ARK2N: variants seen among roughly 807,000 people sequenced by gnomAD.
The protein encoded by ARK2N is protein ARK2N.
the ARK2N span, among the ~76,000 whole-genome samples, chr18:46,242,887 C>T: frequency 6.6e-6 from 1 of 152,028 alleles, no homozygotes; most frequent in Non-Finnish European, 1.5e-5. Context: ...AGTGATACTG[C>T]TCTTAACATT....
chr18:46,209,290 C>CCT, the ARK2N span, among the ~76,000 whole-genome samples: 1 of 138,646 alleles, frequency 7.2e-6, no homozygotes, highest in African/African-American at 2.7e-5. Context: ...TACTTCTCCA[C>CCT]TTTTTTTTTT....
the ARK2N span, among the ~76,000 whole-genome samples, chr18:46,245,681 G>A: frequency 3.3e-5 from 5 of 151,704 alleles, no homozygotes; most frequent in Admixed American, 1.3e-4. Context: ...CCTAGCATGC[G>A]ACTGTCATAC....
the ARK2N span, among the ~76,000 whole-genome samples, chr18:46,211,933 AT>A: frequency 6.6e-6 from 1 of 152,038 alleles, no homozygotes; most frequent in Admixed American, 6.6e-5. Context: ...AGAAAAACCT[AT>A]TTTTTTCCCC....
At chr18:46,262,765 G>C in the ARK2N span, among the ~76,000 whole-genome samples, 1 of 152,156 alleles carries the variant, frequency 6.6e-6, no homozygotes, top group African/African-American at 2.4e-5. Context: ...GGTAGGGAGA[G>C]AGGGAGACAG....
the ARK2N span, among the ~76,000 whole-genome samples, chr18:46,201,582 C>T: frequency 6.6e-6 from 1 of 151,952 alleles, no homozygotes; most frequent in African/African-American, 2.4e-5. Context: ...AATTCTAGAT[C>T]CAAGTAATAA....
At chr18:46,226,968 C>G in the ARK2N span, among the ~76,000 whole-genome samples, 6 of 151,896 alleles carry the variant, frequency 4.0e-5, no homozygotes, top group Non-Finnish European at 8.8e-5. Flanking sequence ...CCACCATGCC[C>G]AGCTAATTTT....
At chr18:46,219,293 T>G in the ARK2N span, 1 of 152,124 alleles carries the variant, frequency 6.6e-6, no homozygotes, top group Non-Finnish European at 1.5e-5. Context: ...AATATATTGA[T>G]GTTTTAAGAA....
chr18:46,244,983 G>A, the ARK2N span, among the ~76,000 whole-genome samples: 3 of 152,084 alleles, frequency 2.0e-5, no homozygotes, highest in South Asian at 2.1e-4. Flanking sequence ...GCTCAGGCTG[G>A]ATGCGGTGGC....
chr18:46,225,331 C>T, the ARK2N span, among the ~76,000 whole-genome samples: 2 of 152,294 alleles, frequency 1.3e-5, no homozygotes, highest in African/African-American at 2.4e-5. Context: ...TTCTAGTTAA[C>T]GTTGCTGGAA....
the ARK2N span, among the ~76,000 whole-genome samples, chr18:46,191,305 A>G: frequency 2.0e-5 from 3 of 152,164 alleles, no homozygotes; most frequent in Non-Finnish European, 4.4e-5. Flanking sequence ...ATTTGTTACA[A>G]CTGACAAGCC....
the ARK2N span, among the ~76,000 whole-genome samples, chr18:46,255,655 T>C: frequency 3.3e-5 from 5 of 151,884 alleles, no homozygotes; most frequent in Non-Finnish European, 7.4e-5. Flanking sequence ...TTCTCCATGT[T>C]GGTCAGGCTG....
chr18:46,214,360 C>T, the ARK2N span, among the ~76,000 whole-genome samples: 907 of 152,248 alleles, frequency 6.0e-3, 10 homozygotes, highest in African/African-American at 0.021. Context: ...TAATGTAACA[C>T]ATACAGGGCA....
At chr18:46,254,860 T>G in the ARK2N span, among the ~76,000 whole-genome samples, 5 of 152,226 alleles carry the variant, frequency 3.3e-5, no homozygotes, top group African/African-American at 1.2e-4. Flanking sequence ...TGAAACATTC[T>G]GGAACATCCT....
chr18:46,247,578 T>C, the ARK2N span, among the ~76,000 whole-genome samples: 1 of 152,248 alleles, frequency 6.6e-6, no homozygotes, highest in Admixed American at 6.5e-5. Context: ...ATTAATTTCA[T>C]TTATTTATTT....
the ARK2N span, among the ~76,000 whole-genome samples, chr18:46,259,650 G>A: frequency 6.6e-6 from 1 of 152,080 alleles, no homozygotes; most frequent in Non-Finnish European, 1.5e-5. Context: ...CAGCCACCCA[G>A]GCTGGAGTGC....
At chr18:46,260,525 G>A in the ARK2N span, among the ~76,000 whole-genome samples, 1 of 152,088 alleles carries the variant, frequency 6.6e-6, no homozygotes, top group Non-Finnish European at 1.5e-5. Context: ...CTGGTTTTTG[G>A]TAACTGGAAC....
At chr18:46,221,428 C>T in the ARK2N span, among the ~76,000 whole-genome samples, 5 of 150,304 alleles carry the variant, frequency 3.3e-5, no homozygotes, top group African/African-American at 9.8e-5. Flanking sequence ...GGTGTGGTGG[C>T]GCGCGTCTGT....
the ARK2N span, among the ~76,000 whole-genome samples, chr18:46,201,712 A>G: frequency 6.6e-6 from 1 of 151,576 alleles, no homozygotes; most frequent in African/African-American, 2.4e-5. Context: ...CACTAGCGGT[A>G]TAAGCTACTG....
chr18:46,208,464 C>CTTTTTTTTTTTTTTTTTTTTTTTTT, the ARK2N span, among the ~76,000 whole-genome samples: 2 of 68,364 alleles, frequency 2.9e-5, no homozygotes, highest in Non-Finnish European at 2.8e-5. Context: ...GTTCTTAAAT[C>CTTTTTTTTTTTTTTTTTTTTTTTTT]TTTTTTTTTT....
Sources: gnomAD v4.1 joint callset for allele counts (sites outside exome capture counted in the v4.1 genomes callset) on GRCh38, gnomAD v4.1.1 for gene constraint, MANE v1.5 for transcripts, NCBI Gene and HGNC (gene_info 2026-07-23, HGNC 2026-07-21) for gene names.